The following ZNF383 variants were observed in gnomAD, a reference collection of about 807,000 sequenced individuals.
The protein encoded by ZNF383 is zinc finger protein 383.
ZNF383 carries 32 observed loss-of-function variants against 44.2 expected under a neutral mutation model. The ratio of observed to expected loss-of-function variants is 0.72; its 90% CI spans 0.55 to 0.97. The LOEUF (loss-of-function observed/expected upper bound fraction) is 0.97. ZNF383 is among the 50% of genes least tolerant of loss of function. The pLI is 0.00. For missense variants in ZNF383, 487 were observed against 562.5 expected (o/e 0.87, Z 1.36); for synonymous variants, 155 against 186.2 (o/e 0.83, Z 1.36).
Position 37,242,851 on chromosome 19 carries a change from A to G in ZNF383, c.615A>G (p.Lys205=), listed in dbSNP as rs1599808967. The G allele has an allele frequency of 6.2e-7, 1 of 1,613,952 alleles. No homozygotes were observed. The highest frequency in any genetic ancestry group is 8.5e-7 in the Non-Finnish European group (1 of 1,179,884). ...CTTATGAATGTAAAGAGTGTGGGAA[A>G]TTCTTTAGTTGTGGTTCACATGTTA... The part of the protein sequence containing the change: ...EKSYECKECG[K]FFSCGSHVTR... Residue 205 remains lysine, a synonymous_variant, in exon 6 of 6, where the codon AAA becomes AAG. Transcript: ENST00000684119.
chr19:37,225,728 G>C (rs1279607172), intron 2 of ZNF383, among the ~76,000 whole-genome samples: 1 of 151,620 alleles, frequency 6.6e-6, no homozygotes, highest in Non-Finnish European at 1.5e-5. Flanking sequence ...ATATAATAAT[G>C]AATTAGTTGA....
intron 1 of ZNF383, among the ~76,000 whole-genome samples, chr19:37,221,073 G>T (rs1972898262): frequency 6.6e-6 from 1 of 152,118 alleles, no homozygotes; most frequent in South Asian, 2.1e-4. Flanking sequence ...GGATATAAGT[G>T]TATGAAGGAA....
intron 2 of ZNF383, among the ~76,000 whole-genome samples, chr19:37,228,069 T>G (rs1973270185): frequency 6.6e-6 from 1 of 152,078 alleles, no homozygotes; most frequent in African/African-American, 2.4e-5. Flanking sequence ...AGCAGAGTGT[T>G]TTTTAACTCC....
At chr19:37,218,512 G>T (rs1972777552) in intron 1 of ZNF383, among the ~76,000 whole-genome samples, 1 of 152,168 alleles carries the variant, frequency 6.6e-6, no homozygotes, top group African/African-American at 2.4e-5. Flanking sequence ...AAGGCTGTAT[G>T]TGTAGGTATG....
At chr19:37,238,283 TTAA>T (rs1973918517) in intron 5 of ZNF383, among the ~76,000 whole-genome samples, 1 of 151,530 alleles carries the variant, frequency 6.6e-6, no homozygotes, top group Non-Finnish European at 1.5e-5. Flanking sequence ...TAGCATGACA[TTAA>T]TATTATATGA....
Position 37,230,510 on chromosome 19 carries a change from A to AG in ZNF383, c.9+48_9+49insG, listed in dbSNP as rs527951009. On this transcript the variant is annotated intron_variant, in intron 3 of 5. Coordinates refer to ENST00000684119, the MANE Select transcript of ZNF383 (RefSeq NM_001387601.1). ...CTTCCTGACATTTAGTTTAAAAAAA[A>AG]AAAAAAGACATGAGCATTTGCTTTC... 2.4e-4 allele frequency: 386 copies of AG among 1,608,340 alleles called. 2 individuals are homozygous for AG. The African/African-American group carries it at 3.1e-3, about 13-fold the overall frequency.
intron 3 of ZNF383, among the ~76,000 whole-genome samples, chr19:37,234,159 C>T (rs1044447660): frequency 5.3e-5 from 8 of 152,114 alleles, no homozygotes; most frequent in East Asian, 3.9e-4. Context: ...CCACCACGCA[C>T]GGCCCACATC....
At chr19:37,236,120 A>G (rs773056000) in intron 5 of ZNF383, 46 bp downstream of exon 5, 1 of 1,499,072 alleles carries the variant, frequency 6.7e-7, no homozygotes, top group South Asian at 1.2e-5. Flanking sequence ...ATAGGTCAGA[A>G]CTCAGCTGGT....
chr19:37,231,986 CTA>C (rs1044453799), intron 3 of ZNF383, among the ~76,000 whole-genome samples: 1 of 151,964 alleles, frequency 6.6e-6, no homozygotes, highest in South Asian at 2.1e-4. Flanking sequence ...TAAACATTAA[CTA>C]TTTTTGTTTT....
At chr19:37,240,152 C>T (rs1409348656) in intron 5 of ZNF383, among the ~76,000 whole-genome samples, 1 of 85,422 alleles carries the variant, frequency 1.2e-5, no homozygotes. Flanking sequence ...AGTGACACTG[C>T]GTTTCAAAAA....
At chr19:37,227,110 CTTT>C (rs35250551) in intron 2 of ZNF383, among the ~76,000 whole-genome samples, 1 of 92,020 alleles carries the variant, frequency 1.1e-5, no homozygotes, top group African/African-American at 4.9e-5. Context: ...CCCAGCCAGG[CTTT>C]TTTTTTTTTT....
intron 3 of ZNF383, among the ~76,000 whole-genome samples, chr19:37,232,081 GT>G (rs1290758381): frequency 1.8e-4 from 26 of 142,094 alleles, no homozygotes; most frequent in Non-Finnish European, 1.5e-4. Flanking sequence ...AGGTTTTTTT[GT>G]TTTTTTTTTT....
At position 37,242,437 on chromosome 19, in the gene ZNF383, A is replaced by G. The variant is rs186412566; in HGVS notation, c.233-32A>G. 1.9e-5 allele frequency: 27 copies of G among 1,431,260 alleles called. No individual in the cohort carries two copies. In the Admixed American group the frequency reaches 5.9e-4, roughly 31 times the overall value. The allele number at this position is 1,431,260 out of a possible 1,614,324, so 88.7% of individuals were successfully genotyped here. On this transcript the variant is annotated intron_variant, in intron 5 of 5. Coordinates refer to ENST00000684119, the MANE Select transcript of ZNF383 (RefSeq NM_001387601.1). ...AAGTTTAATTTTTCACAAATAGGAA[A>G]AAAGAACATTTACCATTTTATTTTC...
intron 5 of ZNF383, among the ~76,000 whole-genome samples, chr19:37,237,624 C>A (rs1350342319): frequency 1.3e-5 from 2 of 152,210 alleles, no homozygotes; most frequent in African/African-American, 4.8e-5. Flanking sequence ...TACCTCACAT[C>A]GAGTAATTTA....
In ZNF383 at chr19:37,242,871, A is replaced by T; in HGVS notation, c.635A>T (p.His212Leu). 1.9e-6 allele frequency: 3 copies of T among 1,614,034 alleles called. No individual in the cohort carries two copies. The highest frequency in any genetic ancestry group is 2.5e-6 in the Non-Finnish European group (3 of 1,179,934). Residue 212 changes from histidine (H) to leucine (L), a missense_variant, in exon 6 of 6, where the codon CAT (histidine) becomes CTT (leucine). His to Leu is a moderately conservative substitution (Grantham distance 99). Transcript: ENST00000684119. Reference sequence around the variant, plus strand: ...GGGAAATTCTTTAGTTGTGGTTCACATGTTACTCGGCATCTGAAAATTCAT... The same window carrying T: ...GGGAAATTCTTTAGTTGTGGTTCACTTGTTACTCGGCATCTGAAAATTCAT... The part of the protein sequence containing the change: ...ECGKFFSCGS[H>L]VTRHLKIHTG...
At position 37,234,670 on chromosome 19, in the gene ZNF383, A is replaced by G. The variant is rs551191432; in HGVS notation, c.10-879A>G. On this transcript the variant is annotated intron_variant, in intron 3 of 5. Transcript: ENST00000684119. ...CTCCCAAAATGCTGGGATTACAGGCATGAGCCACCACGCCCAGCCAACTTT... is the reference window on the plus strand; with the variant it reads ...CTCCCAAAATGCTGGGATTACAGGCGTGAGCCACCACGCCCAGCCAACTTT... Among the ~76,000 whole-genome samples, 69 of 152,314 alleles carry G rather than the reference A, an allele frequency of 4.5e-4. 2 individuals carry two copies. The South Asian group carries it at 0.011, about 24-fold the overall frequency.
intron 3 of ZNF383, among the ~76,000 whole-genome samples, chr19:37,233,120 GTATTTATT>G (rs56893941): frequency 1.2e-4 from 18 of 150,916 alleles, no homozygotes; most frequent in African/African-American, 2.9e-4. Flanking sequence ...ATTTGTTTTT[GTATTTATT>G]TATTTATTTA....
In ZNF383 at chr19:37,230,461, A is replaced by G; in HGVS notation, c.8A>G (p.Glu3Gly). The change falls in exon 3 of 6, where the codon GAG becomes GGG. Residue 3 changes from glutamate (E) to glycine (G), a missense_variant and splice_region_variant. Coordinates refer to ENST00000684119, the MANE Select transcript of ZNF383 (RefSeq NM_001387601.1). MA[E>G]GSVMFSDVSI... The stretch of plus-strand genomic sequence containing the variant: ...TCTGCAATACTAGAAGCCATGGCTG[A>G]GGTGAGTTGATGCTTTTTCTTGCCT... 1 of 1,612,792 alleles carries G rather than the reference A, an allele frequency of 6.2e-7. No homozygotes were observed. Among genetic ancestry groups the G allele is most frequent in the Non-Finnish European group, 8.5e-7 (1 of 1,179,484 alleles).
At position 37,243,871 on chromosome 19, in the gene ZNF383, C is replaced by A; in HGVS notation, c.*207C>A. 2.3e-6 allele frequency: 1 copy of A among 437,794 alleles called. No individual in the cohort carries two copies. Among genetic ancestry groups the A allele is most frequent in the Non-Finnish European group, 4.0e-6 (1 of 249,828 alleles). 27.1% of individuals were successfully genotyped at this position (437,794 alleles called of 1,614,324 possible). Reference sequence around the variant, plus strand: ...GATGCCAGCTGTTCTATAATTCTTTCATTCATTGTTTTGTTCTACTTTCTT... The same window carrying A: ...GATGCCAGCTGTTCTATAATTCTTTAATTCATTGTTTTGTTCTACTTTCTT... On this transcript the variant is annotated 3_prime_UTR_variant, in exon 6 of 6. Transcript: ENST00000684119.
Sources: allele counts gnomAD v4.1 joint callset (sites outside exome capture counted in the v4.1 genomes callset), GRCh38; gene constraint gnomAD v4.1.1; transcripts MANE v1.5; gene names NCBI Gene and HGNC (gene_info 2026-07-23, HGNC 2026-07-21).